The following WWP2 variants were observed in gnomAD, a reference collection of about 807,000 sequenced individuals.
WWP2 encodes the protein WW domain containing E3 ubiquitin protein ligase 2.
WWP2 carries 57 observed loss-of-function variants against 121.0 expected under a neutral mutation model. The ratio of observed to expected loss-of-function variants is 0.47; its 90% CI spans 0.38 to 0.59. The LOEUF is 0.59. WWP2 is among the 20% of genes least tolerant of loss of function. The pLI is 0.00. For missense variants in WWP2, 962 were observed against 1,158.9 expected (o/e 0.83, Z 2.47); for synonymous variants, 449 against 441.3 (o/e 1.02, Z -0.22).
intron 6 of WWP2, among the ~76,000 whole-genome samples, chr16:69,844,719 A>C (rs115327034): frequency 9.4e-4 from 143 of 152,294 alleles, no homozygotes; most frequent in African/African-American, 3.4e-3. Context: ...AGTGCTAGTT[A>C]GTTACTGGTG....
chr16:69,858,601 A>T (rs1263648445), intron 6 of WWP2, among the ~76,000 whole-genome samples: 3 of 151,844 alleles, frequency 2.0e-5, no homozygotes, highest in African/African-American at 7.3e-5. Context: ...CTGTGGCTTC[A>T]TCTGTTTTTT....
chr16:69,837,753 A>G (rs2056902374), intron 4 of WWP2, among the ~76,000 whole-genome samples: 3 of 152,174 alleles, frequency 2.0e-5, no homozygotes, highest in Non-Finnish European at 1.5e-5. Flanking sequence ...CACGCTTCCA[A>G]TAGCGGTGTG....
intron 4 of WWP2, among the ~76,000 whole-genome samples, chr16:69,823,228 G>A (rs2056625290): frequency 1.3e-5 from 2 of 152,158 alleles, no homozygotes; most frequent in South Asian, 4.1e-4. Flanking sequence ...CATGTAATCA[G>A]TATAAAGAAA....
chr16:69,835,167 G>C (rs568858263), intron 4 of WWP2, among the ~76,000 whole-genome samples: 1 of 152,274 alleles, frequency 6.6e-6, no homozygotes, highest in South Asian at 2.1e-4. Flanking sequence ...GCAGCAGGAA[G>C]ACATACTGGA....
chr16:69,828,462 G>C (rs2056741797), intron 4 of WWP2, among the ~76,000 whole-genome samples: 1 of 152,188 alleles, frequency 6.6e-6, no homozygotes, highest in African/African-American at 2.4e-5. Flanking sequence ...TGCCTCCCTA[G>C]TTCAAGCGAG....
In WWP2 at chr16:69,851,496, G is replaced by A. The variant is rs144402100; in HGVS notation, c.575+9376G>A. Among the ~76,000 whole-genome samples, 459 of 152,046 alleles carry A rather than the reference G, an allele frequency of 3.0e-3. 1 individual carries two copies. The highest frequency in any genetic ancestry group is 4.5e-3 in the Non-Finnish European group (308 of 67,992). ...TAATTGGGATTTACGTTTCTTTCAC[G>A]TCTTCTCATGGCTTGATATTTTGGG... On this transcript the variant is annotated intron_variant, in intron 6 of 23. Transcript: ENST00000359154.
chr16:69,907,542 A>G (rs542047044), intron 8 of WWP2, among the ~76,000 whole-genome samples: 1 of 152,342 alleles, frequency 6.6e-6, no homozygotes, highest in Non-Finnish European at 1.5e-5. Flanking sequence ...TATCCTTGAG[A>G]AAGTGGTAAG....
intron 6 of WWP2, among the ~76,000 whole-genome samples, chr16:69,853,771 A>G (rs774455983): frequency 6.6e-6 from 1 of 152,206 alleles, no homozygotes; most frequent in Non-Finnish European, 1.5e-5. Flanking sequence ...GGCTAATGAG[A>G]CAAGGTGAAG....
intron 7 of WWP2, among the ~76,000 whole-genome samples, chr16:69,873,002 G>A (rs1243771090): frequency 3.3e-5 from 5 of 152,134 alleles, no homozygotes; most frequent in African/African-American, 7.2e-5. Flanking sequence ...TCTTCATTTC[G>A]GGCAGTTGGG....
At chr16:69,934,253 G>A in intron 17 of WWP2, 124 bp downstream of exon 17, 11 of 1,283,678 alleles carry the variant, frequency 8.6e-6, no homozygotes, top group Non-Finnish European at 1.2e-5. Context: ...GGAAGGGGCA[G>A]CATTGGAGGA....
At position 69,871,827 on chromosome 16, in the gene WWP2, C is replaced by T. The variant is rs1326512812; in HGVS notation, c.599C>T (p.Ser200Leu). Residue 200 changes from serine (S) to leucine (L), a missense_variant, in exon 7 of 24, where the codon TCA becomes TTA. Ser to Leu is a moderately radical substitution (Grantham distance 145, BLOSUM62 -2). Transcript: ENST00000359154. ...RSRTHRHSGASARTTPATGEQ... is the reference protein window; with the variant it reads ...RSRTHRHSGALARTTPATGEQ... Reference sequence around the variant, plus strand: ...AGGACGCACAGACATTCGGGTGCTTCAGCCAGAACAACCCCAGCAACCGGC... The same window carrying T: ...AGGACGCACAGACATTCGGGTGCTTTAGCCAGAACAACCCCAGCAACCGGC... 1.2e-6 allele frequency: 2 copies of T among 1,614,028 alleles called. No homozygotes were observed. Among genetic ancestry groups the T allele is most frequent in the East Asian group, 2.2e-5 (1 of 44,894 alleles).
Position 69,843,219 on chromosome 16 carries a change from A to G in WWP2, c.575+1099A>G, listed in dbSNP as rs191365662. Among the ~76,000 whole-genome samples, 7 of 152,242 alleles carry G rather than the reference A, an allele frequency of 4.6e-5. No homozygotes were observed. In the East Asian group the frequency reaches 1.2e-3, roughly 25 times the overall value. On this transcript the variant is annotated intron_variant, in intron 6 of 23. Coordinates refer to ENST00000359154, the MANE Select transcript of WWP2 (RefSeq NM_001270454.2). ...ATGCATTCTGCTTTGGGGGTGGCCCATGGTTCCCTTGTAATGTTGGTTAAG... is the reference window on the plus strand; with the variant it reads ...ATGCATTCTGCTTTGGGGGTGGCCCGTGGTTCCCTTGTAATGTTGGTTAAG...
At chr16:69,788,630 C>T (rs1359943747) in intron 2 of WWP2, among the ~76,000 whole-genome samples, 1 of 152,234 alleles carries the variant, frequency 6.6e-6, no homozygotes, top group East Asian at 1.9e-4. Context: ...TGATCCAACG[C>T]CACCTTTCTC....
intron 4 of WWP2, among the ~76,000 whole-genome samples, chr16:69,826,131 G>T (rs1305132099): frequency 1.3e-5 from 2 of 151,526 alleles, no homozygotes; most frequent in Non-Finnish European, 2.9e-5. Context: ...GCCGGGTGTG[G>T]TGGTGGGTGC....
chr16:69,906,270 T>C (rs1250137965), intron 8 of WWP2, among the ~76,000 whole-genome samples: 7 of 152,018 alleles, frequency 4.6e-5, no homozygotes, highest in Admixed American at 2.6e-4. Context: ...GACAGGGTTT[T>C]ACTGTGTTAG....
intron 7 of WWP2, among the ~76,000 whole-genome samples, chr16:69,874,840 GGT>G (rs2057707799): frequency 6.6e-6 from 1 of 152,106 alleles, no homozygotes; most frequent in African/African-American, 2.4e-5. Flanking sequence ...TGACTCGCTA[GGT>G]CTTAGTTTTC....
intron 6 of WWP2, among the ~76,000 whole-genome samples, chr16:69,854,102 C>T (rs1280215148): frequency 6.6e-6 from 1 of 152,240 alleles, no homozygotes; most frequent in Non-Finnish European, 1.5e-5. Context: ...GCTAGTTCTA[C>T]TTGAACCAGA....
At chr16:69,938,996 C>T in intron 21 of WWP2, 31 bp from the exon 22 acceptor site, 1 of 1,576,578 alleles carries the variant, frequency 6.3e-7, no homozygotes, top group East Asian at 2.3e-5. Context: ...CCGTGGGTTG[C>T]CTGACTGTGC....
At chr16:69,936,809 G>T (rs937041196) in intron 19 of WWP2, 4 of 470,748 alleles carry the variant, frequency 8.5e-6, no homozygotes, top group Admixed American at 3.5e-5. Context: ...CCCGTTCTCC[G>T]TGCCTGTTCC....
Sources: allele counts gnomAD v4.1 joint callset (sites outside exome capture counted in the v4.1 genomes callset), GRCh38; gene constraint gnomAD v4.1.1; transcripts MANE v1.5; gene names NCBI Gene and HGNC (gene_info 2026-07-23, HGNC 2026-07-21).